CSMD3: variants seen among roughly 807,000 people sequenced by gnomAD.
CSMD3 encodes CUB and sushi domain-containing protein 3.
CSMD3 carries 177 observed loss-of-function variants against 435.2 expected under a neutral mutation model. The ratio of observed to expected loss-of-function variants is 0.41; its 90% CI spans 0.36 to 0.46. The LOEUF is 0.46. Among genes scored for constraint, CSMD3 ranks in the 20% least tolerant of loss-of-function variants. The pLI is 0.34. For synonymous variants in CSMD3, 1,656 were observed against 1,520.5 expected (o/e 1.09, Z -2.07); for missense variants, 4,265 against 4,504.6 (o/e 0.95, Z 1.52).
intron 5 of CSMD3, among the ~76,000 whole-genome samples, chr8:113,080,872 C>T (rs2089536518): frequency 6.6e-6 from 1 of 152,074 alleles, no homozygotes; most frequent in Admixed American, 6.6e-5. Flanking sequence ...TCATGTATGC[C>T]ATTATTCCTG....
chr8:113,150,309 G>T (rs905906373), intron 4 of CSMD3, among the ~76,000 whole-genome samples: 9 of 151,910 alleles, frequency 5.9e-5, no homozygotes, highest in Non-Finnish European at 1.2e-4. Flanking sequence ...TCCTTGGTGG[G>T]CCTGATCTAA....
intron 1 of CSMD3, among the ~76,000 whole-genome samples, chr8:113,423,142 A>T (rs768236688): frequency 2.0e-4 from 30 of 152,144 alleles, no homozygotes; most frequent in Admixed American, 4.6e-4. Flanking sequence ...TTCGACTGTA[A>T]TTCATCACAT....
intron 31 of CSMD3, among the ~76,000 whole-genome samples, chr8:112,492,093 A>G (rs566390351): frequency 6.6e-6 from 1 of 152,306 alleles, no homozygotes; most frequent in South Asian, 2.1e-4. Context: ...TCTTAATAAT[A>G]TTTAAATTAT....
At chr8:112,787,877 T>G (rs1370911343) in intron 13 of CSMD3, among the ~76,000 whole-genome samples, 3 of 152,088 alleles carry the variant, frequency 2.0e-5, no homozygotes, top group Non-Finnish European at 4.4e-5. Flanking sequence ...GATCTTGTAT[T>G]TAATAGCAGA....
chr8:112,722,573 T>C (rs2076882056), intron 13 of CSMD3, among the ~76,000 whole-genome samples: 1 of 152,034 alleles, frequency 6.6e-6, no homozygotes, highest in Admixed American at 6.6e-5. Flanking sequence ...GTGTGTGCGT[T>C]AGCGTGTGTG....
At chr8:113,018,876 A>G (rs560431699) in intron 6 of CSMD3, 191 bp downstream of exon 6, 26 of 595,870 alleles carry the variant, frequency 4.4e-5, no homozygotes, top group Admixed American at 4.1e-4. Context: ...ATATTATACT[A>G]TAAAATCAAC....
rs1820965580 is a variant in CSMD3 at position 112,301,961 on chromosome 8, A to G, written c.8272T>C (p.Ser2758Pro). The change falls in exon 53 of 71, where the codon TCC becomes CCC. Residue 2758 changes from serine (S) to proline (P), a missense_variant. Physicochemically the swap from Ser to Pro is moderately conservative, Grantham distance 74 (BLOSUM62 -1). Coordinates refer to ENST00000297405, the MANE Select transcript of CSMD3 (RefSeq NM_198123.2). ...RNERPYCQIISCGELPTPPNG... is the reference protein window; with the variant it reads ...RNERPYCQIIPCGELPTPPNG... ...GGAGGTGTAGGTAGTTCTCCACAGG[A>G]AATAACTTTAAAATGATAAATAAAT... is the stretch of plus-strand genomic sequence containing the variant. 2 of 1,595,920 alleles carry G rather than the reference A, an allele frequency of 1.3e-6. No homozygotes were observed. Among genetic ancestry groups the G allele is most frequent in the South Asian group, 2.2e-5 (2 of 90,672 alleles).
At chr8:113,104,691 G>C (rs78716274) in intron 4 of CSMD3, among the ~76,000 whole-genome samples, 2,728 of 152,098 alleles carry the variant, frequency 0.018, 78 homozygotes, top group African/African-American at 0.062. Context: ...GATTCTGAAG[G>C]AAATTAAAGA....
At chr8:112,479,291 G>T in intron 31 of CSMD3, among the ~76,000 whole-genome samples, 1 of 152,302 alleles carries the variant, frequency 6.6e-6, no homozygotes, top group Middle Eastern at 3.4e-3. Flanking sequence ...ATTTAGAAGG[G>T]AAGTAGAGTG....
chr8:113,289,026 T>G (rs753033711), intron 2 of CSMD3, among the ~76,000 whole-genome samples: 9 of 151,848 alleles, frequency 5.9e-5, no homozygotes, highest in Non-Finnish European at 1.0e-4. Flanking sequence ...ACTCTGGAGC[T>G]GGACTACCTG....
At chr8:113,121,798 T>G (rs1175388181) in intron 4 of CSMD3, among the ~76,000 whole-genome samples, 1 of 152,122 alleles carries the variant, frequency 6.6e-6, no homozygotes, top group Non-Finnish European at 1.5e-5. Context: ...TGTTCTAAAT[T>G]TTAAGATCTC....
At chr8:112,875,583 A>G (rs2081259577) in intron 10 of CSMD3, among the ~76,000 whole-genome samples, 1 of 152,134 alleles carries the variant, frequency 6.6e-6, no homozygotes, top group Non-Finnish European at 1.5e-5. Context: ...GTCCTTTCAC[A>G]TAGTCCCATA....
intron 1 of CSMD3, among the ~76,000 whole-genome samples, chr8:113,381,542 A>G (rs1343864125): frequency 6.6e-6 from 1 of 152,144 alleles, no homozygotes; most frequent in Non-Finnish European, 1.5e-5. Context: ...GAAGAAAAAA[A>G]CCTCATTTTA....
chr8:112,900,184 C>G (rs1270604997), intron 10 of CSMD3, among the ~76,000 whole-genome samples: 2 of 151,128 alleles, frequency 1.3e-5, no homozygotes, highest in African/African-American at 4.8e-5. Context: ...ATTTAGTGCC[C>G]TTGGGATTCA....
At chr8:113,101,552 C>T (rs1241042570) in intron 4 of CSMD3, among the ~76,000 whole-genome samples, 2 of 152,028 alleles carry the variant, frequency 1.3e-5, no homozygotes, top group Admixed American at 6.6e-5. Flanking sequence ...AACCTAGACT[C>T]ACAATGCTGA....
Position 113,178,179 on chromosome 8 carries a change from C to T in CSMD3, c.515-4263G>A, listed in dbSNP as rs562622132. On this transcript the variant is annotated intron_variant, in intron 3 of 70. Coordinates refer to ENST00000297405, the MANE Select transcript of CSMD3 (RefSeq NM_198123.2). ...GTATCAGCTTTGATAGGCATTTGGG[C>T]ATTCTTCCACTTAAATCTCACAAAA... Among the ~76,000 whole-genome samples, 202 of 152,008 alleles carry T rather than the reference C, an allele frequency of 1.3e-3. 1 individual carries two copies. Among genetic ancestry groups the T allele is most frequent in the African/African-American group, 4.5e-3 (187 of 41,550 alleles).
chr8:113,176,909 AAAGT>A (rs2092354740), intron 3 of CSMD3, among the ~76,000 whole-genome samples: 1 of 151,930 alleles, frequency 6.6e-6, no homozygotes, highest in African/African-American at 2.4e-5. Flanking sequence ...AAAAAAAAAT[AAAGT>A]ATGTTTAAAA....
intron 27 of CSMD3, among the ~76,000 whole-genome samples, chr8:112,518,536 G>T (rs1823920418): frequency 6.6e-6 from 1 of 151,162 alleles, no homozygotes; most frequent in Admixed American, 6.6e-5. Context: ...AGCACTAAAT[G>T]GAGCATCATG....
chr8:113,268,676 G>C (rs1185679472), intron 3 of CSMD3, among the ~76,000 whole-genome samples: 4 of 152,002 alleles, frequency 2.6e-5, no homozygotes, highest in African/African-American at 9.7e-5. Flanking sequence ...GGCTAAAGAA[G>C]GCTAAAATAC....
Sources: gnomAD v4.1 joint callset for allele counts (sites outside exome capture counted in the v4.1 genomes callset) on GRCh38, gnomAD v4.1.1 for gene constraint, MANE v1.5 for transcripts, NCBI Gene and HGNC (gene_info 2026-07-23, HGNC 2026-07-21) for gene names.